Variants in HYAL4 observed in about 807,000 individuals in gnomAD.
HYAL4 encodes the protein hyaluronidase-4.
A neutral mutation model predicts 35.2 loss-of-function variants in HYAL4; 37 were observed. The ratio of observed to expected loss-of-function variants is 1.05; its 90% CI spans 0.81 to 1.38. HYAL4 has a LOEUF of 1.38. Ranked by LOEUF, HYAL4 falls within the 40% of genes most tolerant of loss-of-function variation. The probability of loss-of-function intolerance (pLI) is 0.00; values close to 1 mark genes in which losing one functional copy is unlikely to be tolerated. For synonymous variants in HYAL4, 198 were observed against 203.2 expected (o/e 0.97, Z 0.22); for missense variants, 572 against 572.4 (o/e 1.00, Z 0.01).
At chr7:123,784,037 C>A in the HYAL4 span, among the ~76,000 whole-genome samples, 6 of 152,114 alleles carry the variant, frequency 3.9e-5, no homozygotes, top group Non-Finnish European at 8.8e-5. Context: ...TGTGTACATG[C>A]GTGTGTGTTC....
chr7:123,789,806 A>G, the HYAL4 span, among the ~76,000 whole-genome samples: 1 of 152,126 alleles, frequency 6.6e-6, no homozygotes, highest in South Asian at 2.1e-4. Flanking sequence ...ATAAGTACAA[A>G]CACAAATATG....
the HYAL4 span, among the ~76,000 whole-genome samples, chr7:123,776,891 C>T: frequency 6.6e-6 from 1 of 152,142 alleles, no homozygotes; most frequent in Non-Finnish European, 1.5e-5. Flanking sequence ...GATGATGCTT[C>T]CCTTCAAGTG....
rs112695303 is a variant in HYAL4, at chr7:123,876,880, A to C, written c.1171A>C (p.Met391Leu). 2.5e-6 allele frequency: 4 copies of C among 1,614,080 alleles called. No homozygotes were observed. In the African/African-American group the frequency reaches 5.3e-5, roughly 22 times the overall value. Reference sequence around the variant, plus strand: ...GAACAATGGCAGGTGCATAAGGAAGATGTGGAACGCGCCCAGTTACCTTCA... The same window carrying C: ...GAACAATGGCAGGTGCATAAGGAAGCTGTGGAACGCGCCCAGTTACCTTCA... ...CRNNGRCIRKMWNAPSYLHLN... is the reference protein window; with the variant it reads ...CRNNGRCIRKLWNAPSYLHLN... Residue 391 changes from methionine (M) to leucine (L), a missense_variant, in exon 5 of 5, where the codon ATG (methionine) becomes CTG (leucine). By Grantham distance (15) the Met-to-Leu change is conservative. Transcript: ENST00000223026.
At chr7:123,863,294 A>G (rs1412665902) in intron 2 of HYAL4, among the ~76,000 whole-genome samples, 1 of 152,076 alleles carries the variant, frequency 6.6e-6, no homozygotes, top group Non-Finnish European at 1.5e-5. Context: ...CTCAATAAAC[A>G]TTTTCTGAAT....
At chr7:123,770,632 C>G in the HYAL4 span, among the ~76,000 whole-genome samples, 79 of 152,026 alleles carry the variant, frequency 5.2e-4, no homozygotes, top group African/African-American at 1.9e-3. Flanking sequence ...AGTAATTCTG[C>G]TCAGGGGAGC....
chr7:123,853,895 C>T (rs1391427607), intron 2 of HYAL4, among the ~76,000 whole-genome samples: 5 of 152,128 alleles, frequency 3.3e-5, no homozygotes, highest in Non-Finnish European at 7.3e-5. Context: ...ATTTCTGCCT[C>T]AATTTCAGAA....
At chr7:123,851,343 A>G (rs950829323) in intron 2 of HYAL4, among the ~76,000 whole-genome samples, 1 of 152,092 alleles carries the variant, frequency 6.6e-6, no homozygotes. Flanking sequence ...TGCTGCACCA[A>G]TCCACCTGTC....
At chr7:123,863,148 A>T (rs1806613334) in intron 2 of HYAL4, among the ~76,000 whole-genome samples, 1 of 152,114 alleles carries the variant, frequency 6.6e-6, no homozygotes, top group African/African-American at 2.4e-5. Flanking sequence ...CAACATACTG[A>T]ATATTTATTT....
intron 1 of HYAL4, among the ~76,000 whole-genome samples, chr7:123,838,724 A>G (rs758442159): frequency 8.5e-5 from 13 of 152,070 alleles, no homozygotes; most frequent in African/African-American, 1.2e-4. Flanking sequence ...ATTCCCCCGA[A>G]TATGTTTTTT....
At chr7:123,875,155 A>G (rs1169193809) in intron 4 of HYAL4, among the ~76,000 whole-genome samples, 1 of 152,234 alleles carries the variant, frequency 6.6e-6, no homozygotes, top group Non-Finnish European at 1.5e-5. Flanking sequence ...TGGTGAAACT[A>G]GAGAGGAAAC....
chr7:123,870,228 C>T (rs767817056), intron 3 of HYAL4, among the ~76,000 whole-genome samples: 1 of 152,130 alleles, frequency 6.6e-6, no homozygotes, highest in Non-Finnish European at 1.5e-5. Context: ...AGAAAACACC[C>T]AGGTGAGGGC....
At chr7:123,838,201 C>G (rs185614124) in intron 1 of HYAL4, among the ~76,000 whole-genome samples, 10 of 149,890 alleles carry the variant, frequency 6.7e-5, no homozygotes, top group Admixed American at 6.0e-4. Context: ...AGACTGTAGT[C>G]TCTGTTGTTT....
chr7:123,764,194 T>A, the HYAL4 span, among the ~76,000 whole-genome samples: 4 of 152,168 alleles, frequency 2.6e-5, no homozygotes, highest in Non-Finnish European at 5.9e-5. Context: ...AGGCTGGTCT[T>A]GCACCCCCAG....
At chr7:123,816,637 T>C in the HYAL4 span, among the ~76,000 whole-genome samples, 1 of 152,206 alleles carries the variant, frequency 6.6e-6, no homozygotes, top group Non-Finnish European at 1.5e-5. Flanking sequence ...TTAATTTTTG[T>C]GGGTACATTA....
At chr7:123,783,302 C>A in the HYAL4 span, among the ~76,000 whole-genome samples, 1 of 152,096 alleles carries the variant, frequency 6.6e-6, no homozygotes, top group Non-Finnish European at 1.5e-5. Context: ...TATGTTGGGA[C>A]TTTTTTCCCT....
the HYAL4 span, among the ~76,000 whole-genome samples, chr7:123,781,963 G>A: frequency 6.6e-6 from 1 of 152,200 alleles, no homozygotes; most frequent in South Asian, 2.1e-4. Context: ...CTGGAGTGCA[G>A]TGGCAAGTTC....
chr7:123,876,624 TA>T, intron 4 of HYAL4, 129 bp from the exon 5 acceptor site: 1 of 977,744 alleles, frequency 1.0e-6, no homozygotes, highest in South Asian at 1.7e-5. Context: ...CATTATGTTT[TA>T]ATCAAGACCA....
intron 2 of HYAL4, among the ~76,000 whole-genome samples, chr7:123,866,209 G>A (rs1441785699): frequency 6.6e-6 from 1 of 152,192 alleles, no homozygotes; most frequent in Admixed American, 6.5e-5. Flanking sequence ...TGAGCAGAAA[G>A]GCGGTGTCCC....
chr7:123,839,911 C>A (rs1489788747), intron 1 of HYAL4, among the ~76,000 whole-genome samples: 4 of 152,086 alleles, frequency 2.6e-5, no homozygotes, highest in African/African-American at 9.7e-5. Flanking sequence ...GGATAGATTG[C>A]AAAAATTTTC....
Sources: gnomAD v4.1 joint callset for allele counts (sites outside exome capture counted in the v4.1 genomes callset) on GRCh38, gnomAD v4.1.1 for gene constraint, MANE v1.5 for transcripts, NCBI Gene and HGNC (gene_info 2026-07-23, HGNC 2026-07-21) for gene names.